The following GSG1L variants were observed in gnomAD, a reference collection of about 807,000 sequenced individuals.
GSG1L encodes GSG1 like.
A neutral mutation model predicts 42.1 loss-of-function variants in GSG1L; 24 were observed. The ratio of observed to expected loss-of-function variants is 0.57; its 90% CI spans 0.41 to 0.80. GSG1L has a LOEUF of 0.80. Ranked by LOEUF, GSG1L falls within the 30% of genes least tolerant of loss-of-function variation. The pLI is 0.00. For synonymous variants in GSG1L, 215 were observed against 203.5 expected (o/e 1.06, Z -0.48); for missense variants, 445 against 472.2 (o/e 0.94, Z 0.53).
intron 1 of GSG1L, among the ~76,000 whole-genome samples, chr16:27,997,891 A>C (rs1181274178): frequency 8.2e-5 from 9 of 109,912 alleles, no homozygotes; most frequent in African/African-American, 2.5e-4. Flanking sequence ...ATAGAGTCTC[A>C]CTCTGCTACC....
chr16:27,792,687 C>A (rs1439077578), intron 6 of GSG1L, among the ~76,000 whole-genome samples: 1 of 152,198 alleles, frequency 6.6e-6, no homozygotes, highest in Non-Finnish European at 1.5e-5. Flanking sequence ...AGCATCACCC[C>A]CGTTAGACCC....
chr16:27,881,914 A>G (rs1452920947), intron 3 of GSG1L, among the ~76,000 whole-genome samples: 1 of 151,904 alleles, frequency 6.6e-6, no homozygotes, highest in East Asian at 1.9e-4. Flanking sequence ...GTTGCTTTGC[A>G]TCAATATGAC....
chr16:27,938,792 G>A (rs1168146755), intron 2 of GSG1L, among the ~76,000 whole-genome samples: 1 of 152,200 alleles, frequency 6.6e-6, no homozygotes, highest in Non-Finnish European at 1.5e-5. Context: ...GAACGTCCCT[G>A]ATTCTGCTTT....
intron 6 of GSG1L, among the ~76,000 whole-genome samples, chr16:27,802,625 C>T (rs1197252860): frequency 1.3e-5 from 2 of 152,072 alleles, no homozygotes; most frequent in Non-Finnish European, 2.9e-5. Flanking sequence ...CCTGAACCCC[C>T]AGGAGGTTAG....
At chr16:27,823,196 G>C (rs1396569560) in intron 5 of GSG1L, among the ~76,000 whole-genome samples, 5 of 152,164 alleles carry the variant, frequency 3.3e-5, no homozygotes, top group Non-Finnish European at 7.3e-5. Flanking sequence ...GCAGGGTGAC[G>C]CTGGGAGGGT....
chr16:28,043,831 G>A (rs1163525390), intron 1 of GSG1L, among the ~76,000 whole-genome samples: 1 of 152,074 alleles, frequency 6.6e-6, no homozygotes, highest in Non-Finnish European at 1.5e-5. Flanking sequence ...AGACCAGCCT[G>A]GGCAACATGG....
intron 1 of GSG1L, among the ~76,000 whole-genome samples, chr16:28,050,624 A>T (rs1465379580): frequency 2.0e-5 from 3 of 152,264 alleles, no homozygotes; most frequent in Non-Finnish European, 4.4e-5. Flanking sequence ...CCTTTTGGAA[A>T]GATGACCTTG....
intron 1 of GSG1L, among the ~76,000 whole-genome samples, chr16:27,990,509 A>G (rs2085443341): frequency 6.6e-6 from 1 of 152,212 alleles, no homozygotes; most frequent in South Asian, 2.1e-4. Flanking sequence ...TTGACTTAAT[A>G]GAGCCAATAA....
intron 1 of GSG1L, among the ~76,000 whole-genome samples, chr16:28,054,289 C>T (rs548369199): frequency 5.3e-5 from 8 of 152,320 alleles, no homozygotes; most frequent in East Asian, 1.9e-4. Context: ...TCCCCACCAT[C>T]GGGGAAGAAG....
intron 5 of GSG1L, among the ~76,000 whole-genome samples, chr16:27,810,004 A>G (rs1778486235): frequency 6.6e-6 from 1 of 152,226 alleles, no homozygotes; most frequent in Non-Finnish European, 1.5e-5. Context: ...AGGGAGAGAG[A>G]TACTCATATA....
intron 2 of GSG1L, among the ~76,000 whole-genome samples, chr16:27,909,883 C>T (rs1189621401): frequency 1.3e-5 from 2 of 151,402 alleles, no homozygotes; most frequent in African/African-American, 4.9e-5. Flanking sequence ...TTGTTAAGAA[C>T]ATCAAGGTTC....
At chr16:28,026,610 G>A (rs948195012) in intron 1 of GSG1L, among the ~76,000 whole-genome samples, 4 of 152,186 alleles carry the variant, frequency 2.6e-5, no homozygotes, top group Non-Finnish European at 5.9e-5. Context: ...GGGCTTGGCC[G>A]GTCTTGGTTA....
intron 2 of GSG1L, among the ~76,000 whole-genome samples, chr16:27,924,176 TATA>T (rs762878650): frequency 3.3e-5 from 5 of 151,516 alleles, no homozygotes; most frequent in Admixed American, 6.6e-5. Context: ...CACAAATATA[TATA>T]ATGTCTATAT....
chr16:27,926,236 A>G (rs534602605), intron 2 of GSG1L, among the ~76,000 whole-genome samples: 3 of 152,330 alleles, frequency 2.0e-5, no homozygotes, highest in East Asian at 1.9e-4. Flanking sequence ...TTTATAAAGT[A>G]AGGGAGGGAT....
intron 2 of GSG1L, among the ~76,000 whole-genome samples, chr16:27,961,525 G>C (rs1423461464): frequency 1.3e-5 from 2 of 152,176 alleles, no homozygotes; most frequent in Non-Finnish European, 2.9e-5. Context: ...TCTAAGCCTT[G>C]GTTTCTTCAT....
intron 2 of GSG1L, among the ~76,000 whole-genome samples, chr16:27,962,780 A>C (rs955972179): frequency 3.9e-5 from 6 of 152,144 alleles, no homozygotes; most frequent in Non-Finnish European, 8.8e-5. Flanking sequence ...AAGGCCAGGC[A>C]CCTGGCTTCC....
chr16:28,026,177 T>A lies in GSG1L; in HGVS notation c.349+36899A>T, dbSNP rs144977698. Among the ~76,000 whole-genome samples, 392 of 152,286 alleles carry A rather than the reference T, an allele frequency of 2.6e-3. 1 individual carries two copies. Among genetic ancestry groups the A allele is most frequent in the African/African-American group, 8.4e-3 (349 of 41,566 alleles). On this transcript the variant is annotated intron_variant, in intron 1 of 6. Transcript: ENST00000447459. ...CTCACCCATGTCTCTCCCCACAGACTGGGGGCACCTTGAGGGCAGGAGCTG... is the reference window on the plus strand; with the variant it reads ...CTCACCCATGTCTCTCCCCACAGACAGGGGGCACCTTGAGGGCAGGAGCTG...
chr16:27,940,740 T>C (rs2084782875), intron 2 of GSG1L, among the ~76,000 whole-genome samples: 1 of 143,030 alleles, frequency 7.0e-6, no homozygotes, highest in Non-Finnish European at 1.5e-5. Context: ...CATTAGGAGA[T>C]ATACCTAATG....
chr16:27,975,531 C>T (rs980179722), intron 1 of GSG1L, among the ~76,000 whole-genome samples: 15 of 152,196 alleles, frequency 9.9e-5, no homozygotes, highest in Admixed American at 6.5e-4. Flanking sequence ...CTCTACAGGA[C>T]GTGCAGGGGA....
Sources: allele counts gnomAD v4.1 joint callset (sites outside exome capture counted in the v4.1 genomes callset), GRCh38; gene constraint gnomAD v4.1.1; transcripts MANE v1.5; gene names NCBI Gene and HGNC (gene_info 2026-07-23, HGNC 2026-07-21).